The following PODNL1 variants were observed in gnomAD, a reference collection of about 807,000 sequenced individuals.
The protein encoded by PODNL1 is podocan-like protein 1.
In PODNL1, 50 loss-of-function variants were observed where a neutral mutation model predicts 45.1. The ratio of observed to expected loss-of-function variants is 1.11; its 90% CI spans 0.88 to 1.40. The LOEUF is 1.40. Among genes scored for constraint, PODNL1 ranks in the 40% most tolerant of loss-of-function variants. The pLI is 0.00. For synonymous variants in PODNL1, 406 were observed against 372.5 expected (o/e 1.09, Z -1.04); for missense variants, 788 against 793.3 (o/e 0.99, Z 0.08).
upstream of PODNL1, among the ~76,000 whole-genome samples, chr19:13,940,167 T>C (rs555275379): frequency 6.6e-6 from 1 of 152,156 alleles, no homozygotes; most frequent in Admixed American, 6.5e-5. Context: ...CTCATGCCTG[T>C]AATCCCAACA....
upstream of PODNL1, chr19:13,939,868 C>CAATAATAATAATAATAATAATAAT (rs59993623): frequency 6.6e-5 from 10 of 150,652 alleles, no homozygotes; most frequent in African/African-American, 2.0e-4. Flanking sequence ...AACTCTGTTT[C>CAATAATAATAATAATAATAATAAT]AATAATAATA....
Position 13,951,217 on chromosome 19 carries a change from G to A in PODNL1, c.18+1902C>T, listed in dbSNP as rs533844728. ...TCCCAGCACTTTGGGAGGCCAAGAC[G>A]GGATGATCCCTTGAGGTCAGGAGTT... On this transcript the variant is annotated intron_variant, in intron 1 of 7. Transcript: ENST00000538371. Among the ~76,000 whole-genome samples, 287 of 152,134 alleles carry A rather than the reference G, an allele frequency of 1.9e-3. 2 individuals are homozygous for A. Among genetic ancestry groups the A allele is most frequent in the Non-Finnish European group, 1.2e-3 (82 of 68,008 alleles).
chr19:13,945,322 G>T (rs1972779458), intron 1 of PODNL1, among the ~76,000 whole-genome samples: 1 of 151,724 alleles, frequency 6.6e-6, no homozygotes, highest in Admixed American at 6.6e-5. Context: ...ACCAGCCTGG[G>T]CAACATAGTG....
chr19:13,942,004 T>C (rs1972670687), upstream of PODNL1, among the ~76,000 whole-genome samples: 1 of 152,064 alleles, frequency 6.6e-6, no homozygotes. Flanking sequence ...AGCTTGGACA[T>C]TGGGTGGAAG....
chr19:13,951,464 C>T (rs987897754), intron 1 of PODNL1, among the ~76,000 whole-genome samples: 7 of 151,560 alleles, frequency 4.6e-5, no homozygotes, highest in East Asian at 1.9e-4. Context: ...GGTGAAACTC[C>T]GTCCCTACAA....
chr19:13,935,315 CATTTTGTTTCTG>C (rs913829841), intron 5 of PODNL1, among the ~76,000 whole-genome samples: 2 of 152,058 alleles, frequency 1.3e-5, no homozygotes, highest in African/African-American at 4.8e-5. Context: ...CAGGGCAAGG[CATTTTGTTTCTG>C]TTTTTGTTTT....
chr19:13,952,885 TG>T, intron 1 of PODNL1: 1 of 155,788 alleles, frequency 6.4e-6, no homozygotes, highest in Non-Finnish European at 1.2e-5. Context: ...TGGAGGGGGT[TG>T]GGGGCGGGGC....
At chr19:13,949,872 A>ATT (rs137932219) in intron 1 of PODNL1, among the ~76,000 whole-genome samples, 2,835 of 148,672 alleles carry the variant, frequency 0.019, 83 homozygotes, top group African/African-American at 0.065. Flanking sequence ...TTATTTATTT[A>ATT]TTTTTTTTTT....
rs1971997824 is a variant in PODNL1, at chr19:13,932,230, C to T, written c.1426-118G>A. ...CCTTCATACCAGCCTGGCCCTTCTG[C>T]CCCCCACCCCCCATGATTGCCAAAT... On this transcript the variant is annotated intron_variant, in intron 8 of 9. Transcript: ENST00000588872. The T allele has an allele frequency of 7.5e-6, 9 of 1,202,450 alleles. 1 individual carries two copies. The East Asian group carries it at 9.6e-5, about 13-fold the overall frequency. The allele number at this position is 1,202,450 out of a possible 1,614,324, so 74.5% of individuals were successfully genotyped here. A position where few individuals can be genotyped will look rare whatever the true frequency, so the allele number is the denominator to read the frequency against.
rs886798256 is a variant in PODNL1 at position 13,952,541 on chromosome 19, A to G, written c.18+578T>C. The G allele has an allele frequency of 6.4e-6, 8 of 1,259,406 alleles. No individual in the cohort carries two copies. In the African/African-American group the frequency reaches 1.2e-4, roughly 20 times the overall value. 78.0% of individuals were successfully genotyped at this position (1,259,406 alleles called of 1,614,324 possible). Reference sequence around the variant, plus strand: ...GCGCCCAGCTCGAAATCGGAGCGGAACAGCGGGGCTGGGAGCGGCGGCGGC... The same window carrying G: ...GCGCCCAGCTCGAAATCGGAGCGGAGCAGCGGGGCTGGGAGCGGCGGCGGC... On this transcript the variant is annotated intron_variant, in intron 1 of 7. Transcript: ENST00000538371.
chr19:13,947,810 T>C (rs1172946728), intron 1 of PODNL1, among the ~76,000 whole-genome samples: 1 of 152,238 alleles, frequency 6.6e-6, no homozygotes, highest in African/African-American at 2.4e-5. Flanking sequence ...TCCTTGAAAA[T>C]GACCCCATCG....
In PODNL1 at chr19:13,931,469, G is replaced by C. The variant is rs1971937228; in HGVS notation, c.*268C>G. 1 of 370,876 alleles carries C rather than the reference G, an allele frequency of 2.7e-6. No homozygotes were observed. The highest frequency in any genetic ancestry group is 1.5e-4 in the South Asian group (1 of 6,834). 23.0% of individuals were successfully genotyped at this position (370,876 alleles called of 1,614,324 possible). ...CCCCAAAGGGTGCCTGGTCCGTGCT[G>C]AGTGCTGGAAGGGTTTGGCTTTATT... is the stretch of plus-strand genomic sequence containing the variant. On this transcript the variant is annotated 3_prime_UTR_variant, in exon 10 of 10. Transcript: ENST00000588872.
upstream of PODNL1, among the ~76,000 whole-genome samples, chr19:13,941,263 G>C (rs934621282): frequency 6.6e-6 from 1 of 151,566 alleles, no homozygotes; most frequent in Admixed American, 6.6e-5. Context: ...CTACTCAGGA[G>C]GCTAATGCAG....
chr19:13,938,378 G>A lies in PODNL1; in HGVS notation c.-197C>T, dbSNP rs74933767. ...CCCCCTTCCCCGCCCTGGGGAGGAC[G>A]GGCAGGCGGCCGGATGGGGTGGTGA... On this transcript the variant is annotated 5_prime_UTR_variant, in exon 1 of 10. Transcript: ENST00000588872. 0.19 allele frequency: 262,755 copies of A among 1,390,436 alleles called. 26,758 individuals are homozygous for A. Among genetic ancestry groups the A allele is most frequent in the Admixed American group, 0.36 (11,999 of 33,140 alleles). The allele number at this position is 1,390,436 out of a possible 1,614,324, so 86.1% of individuals were successfully genotyped here.
chr19:13,933,098 C>A lies in PODNL1; in HGVS notation c.1125G>T (p.Pro375=). ...ALGARDLVAT[P]GLTELNLAYN... is the part of the protein sequence containing the mutation. Reference sequence around the variant, plus strand: ...AGGCCAGGTTAAGCTCCGTCAGGCCCGGTGTGGCGACCAGGTCACGGGCAC... The same window carrying A: ...AGGCCAGGTTAAGCTCCGTCAGGCCAGGTGTGGCGACCAGGTCACGGGCAC... Residue 375 remains proline, a synonymous_variant, in exon 8 of 10, where the codon CCG becomes CCT. Coordinates refer to ENST00000588872, the MANE Select transcript of PODNL1 (RefSeq NM_001370095.3). This position sits in a 1 kb window ranked among gnomAD's most constrained non-coding sequence, Gnocchi z 5.2. 1 of 1,529,718 alleles carries A rather than the reference C, an allele frequency of 6.5e-7. No homozygotes were observed. Among genetic ancestry groups the A allele is most frequent in the East Asian group, 2.4e-5 (1 of 41,088 alleles). 94.8% of individuals were successfully genotyped at this position (1,529,718 alleles called of 1,614,324 possible).
In PODNL1 at chr19:13,933,053, G is replaced by T; in HGVS notation, c.1170C>A (p.Ala390=). 6.5e-7 allele frequency: 1 copy of T among 1,536,324 alleles called. No homozygotes were observed. Among genetic ancestry groups the T allele is most frequent in the South Asian group, 1.2e-5 (1 of 84,074 alleles). Residue 390 remains alanine (A), a synonymous_variant, in exon 8 of 10, where the codon GCC becomes GCA. Transcript: ENST00000588872. This position sits in a 1 kb window ranked among gnomAD's most constrained non-coding sequence, Gnocchi z 5.2. ...LNLAYNRLAS[A]RVHHRAFRRL... is the part of the protein sequence containing the mutation. Reference sequence around the variant, plus strand: ...GGCGGAAGGCCCGGTGGTGCACACGGGCGCTGGCCAGGCGGTTATAGGCCA... The same window carrying T: ...GGCGGAAGGCCCGGTGGTGCACACGTGCGCTGGCCAGGCGGTTATAGGCCA...
At position 13,938,364 on chromosome 19, in the gene PODNL1, G is replaced by A. The variant is rs189197703; in HGVS notation, c.-183C>T. 4.5e-5 allele frequency: 63 copies of A among 1,398,872 alleles called. No homozygotes were observed. The highest frequency in any genetic ancestry group is 2.9e-4 in the South Asian group (17 of 59,170). 86.7% of individuals were successfully genotyped at this position (1,398,872 alleles called of 1,614,324 possible). A position where few individuals can be genotyped will look rare whatever the true frequency, so the allele number is the denominator to read the frequency against. On this transcript the variant is annotated 5_prime_UTR_variant, in exon 1 of 10. Transcript: ENST00000588872. The stretch of plus-strand genomic sequence containing the variant: ...GGGGAGCTGGCCCACCCCCTTCCCC[G>A]CCCTGGGGAGGACGGGCAGGCGGCC...
At chr19:13,940,534 G>A (rs1167779163), upstream of PODNL1, among the ~76,000 whole-genome samples, 2 of 123,760 alleles carry the variant, frequency 1.6e-5, no homozygotes, top group Admixed American at 1.0e-4. Context: ...TCACGCCACT[G>A]TACTCCAGCC....
At chr19:13,951,426 A>T (rs992005528) in intron 1 of PODNL1, among the ~76,000 whole-genome samples, 3 of 152,118 alleles carry the variant, frequency 2.0e-5, no homozygotes, top group Non-Finnish European at 4.4e-5. Flanking sequence ...ACTTGAGCCC[A>T]GGTGTTGGAG....
Sources: gnomAD v4.1 joint callset for allele counts (sites outside exome capture counted in the v4.1 genomes callset) on GRCh38, gnomAD v4.1.1 for gene constraint, Gnocchi (gnomAD v3.1) non-coding constraint, MANE v1.5 for transcripts, NCBI Gene and HGNC (gene_info 2026-07-23, HGNC 2026-07-21) for gene names.